Variants in RGS6 observed in about 807,000 individuals in gnomAD.
The protein encoded by RGS6 is regulator of G protein signaling 6.
In RGS6, 30 loss-of-function variants were observed where a neutral mutation model predicts 78.5. The observed-to-expected ratio is 0.38, with a 90% CI of 0.29 to 0.52. The LOEUF is 0.52. Ranked by LOEUF, RGS6 falls within the 20% of genes least tolerant of loss-of-function variation. The pLI is 0.85. For missense variants in RGS6, 495 were observed against 609.7 expected, an observed-to-expected ratio of 0.81 and a Z score of 1.98; for synonymous variants, 206 against 206.0, an observed-to-expected ratio of 1.00 and a Z score of 0.00.
chr14:72,378,507 G>T (rs1271043768), intron 3 of RGS6, among the ~76,000 whole-genome samples: 1 of 151,780 alleles, frequency 6.6e-6, no homozygotes, highest in Non-Finnish European at 1.5e-5. Flanking sequence ...AAATGAAAAA[G>T]GAAACATCAC....
At chr14:72,470,683 C>G (rs1053155911) in intron 8 of RGS6, among the ~76,000 whole-genome samples, 4 of 152,024 alleles carry the variant, frequency 2.6e-5, no homozygotes, top group African/African-American at 7.3e-5. Context: ...AGTTCGAGAC[C>G]AACCTGACTA....
At chr14:72,072,184 A>G (rs1336249907) in intron 2 of RGS6, among the ~76,000 whole-genome samples, 1 of 152,198 alleles carries the variant, frequency 6.6e-6, no homozygotes, top group Non-Finnish European at 1.5e-5. Context: ...GGAGAGGTTA[A>G]GGGTCTTGAT....
At chr14:72,598,727 T>C in the RGS6 span, among the ~76,000 whole-genome samples, 1 of 151,302 alleles carries the variant, frequency 6.6e-6, no homozygotes, top group Non-Finnish European at 1.5e-5. Context: ...GCCAGATCTG[T>C]GGTCCAGGGT....
At chr14:72,395,170 C>G (rs1051124232) in intron 3 of RGS6, among the ~76,000 whole-genome samples, 2 of 151,906 alleles carry the variant, frequency 1.3e-5, no homozygotes, top group African/African-American at 2.4e-5. Flanking sequence ...CTGTGAAGAC[C>G]ACGAGTACTC....
chr14:72,030,837 A>G (rs2090748899), intron 2 of RGS6, among the ~76,000 whole-genome samples: 1 of 152,222 alleles, frequency 6.6e-6, no homozygotes, highest in South Asian at 2.1e-4. Context: ...TTTCCTGACC[A>G]GTGACTTAGC....
chr14:72,537,045 G>A (rs886222260), intron 16 of RGS6, among the ~76,000 whole-genome samples: 6 of 152,124 alleles, frequency 3.9e-5, no homozygotes, highest in Non-Finnish European at 7.4e-5. Flanking sequence ...TAGGGTCCAG[G>A]AAGGGAATGG....
At chr14:71,935,015 G>A (rs2088804946) in intron 1 of RGS6, among the ~76,000 whole-genome samples, 1 of 152,070 alleles carries the variant, frequency 6.6e-6, no homozygotes, top group Non-Finnish European at 1.5e-5. Context: ...TGTCTTAATT[G>A]GTATTGCTCT....
At chr14:71,954,239 T>A (rs1214315067) in intron 1 of RGS6, among the ~76,000 whole-genome samples, 1 of 151,908 alleles carries the variant, frequency 6.6e-6, no homozygotes, top group East Asian at 1.9e-4. Context: ...AAGTTCTCCG[T>A]CATTATTCCT....
At chr14:72,528,284 CTA>C (rs1346282141) in intron 15 of RGS6, among the ~76,000 whole-genome samples, 1 of 152,200 alleles carries the variant, frequency 6.6e-6, no homozygotes, top group Non-Finnish European at 1.5e-5. Flanking sequence ...GCCTCGGACT[CTA>C]TTGATTCTAG....
At chr14:72,458,892 G>A (rs1264052153) in intron 5 of RGS6, among the ~76,000 whole-genome samples, 1 of 152,136 alleles carries the variant, frequency 6.6e-6, no homozygotes, top group Non-Finnish European at 1.5e-5. Context: ...TGGGGATTAG[G>A]ATTTCAACAT....
In RGS6 at chr14:72,386,019, C is replaced by T. The variant is rs1488341091; in HGVS notation, c.184+33825C>T. 3.3e-5 allele frequency among the ~76,000 whole-genome samples: 5 copies of T among 151,988 alleles called. No homozygotes were observed. In the East Asian group the frequency reaches 7.7e-4, roughly 24 times the overall value. ...CTGGATAAACCTTAAAAATTTCATGCCCCTGAATGAGCATTTCCCCTCATC... is the reference window on the plus strand; with the variant it reads ...CTGGATAAACCTTAAAAATTTCATGTCCCTGAATGAGCATTTCCCCTCATC... On this transcript the variant is annotated intron_variant, in intron 3 of 17. Coordinates refer to ENST00000553525, the MANE Select transcript of RGS6 (RefSeq NM_001204424.2).
chr14:72,601,132 G>A, the RGS6 span, among the ~76,000 whole-genome samples: 1 of 152,058 alleles, frequency 6.6e-6, no homozygotes, highest in Non-Finnish European at 1.5e-5. Context: ...AGACCAAAGG[G>A]GCTGCAGCCT....
intron 3 of RGS6, among the ~76,000 whole-genome samples, chr14:72,358,274 A>G (rs2080770216): frequency 6.6e-6 from 1 of 152,212 alleles, no homozygotes. Flanking sequence ...GTCCCCACAC[A>G]GAGTCCCCAC....
intron 2 of RGS6, among the ~76,000 whole-genome samples, chr14:72,289,334 TC>T (rs1484503559): frequency 6.0e-5 from 9 of 150,706 alleles, no homozygotes; most frequent in South Asian, 4.2e-4. Context: ...TTTCTTTCTC[TC>T]TCTCTCTCTC....
chr14:72,219,507 A>G (rs991385510), intron 2 of RGS6, among the ~76,000 whole-genome samples: 2 of 152,160 alleles, frequency 1.3e-5, no homozygotes, highest in African/African-American at 4.8e-5. Context: ...TTTATTACAC[A>G]TTTAAATGCA....
the RGS6 span, among the ~76,000 whole-genome samples, chr14:72,623,177 T>C: frequency 3.9e-5 from 6 of 152,230 alleles, no homozygotes; most frequent in African/African-American, 1.2e-4. Flanking sequence ...GTTGCCTATA[T>C]GCAGAGTGAA....
At chr14:72,495,450 C>T (rs2096632670) in intron 13 of RGS6, among the ~76,000 whole-genome samples, 188 bp downstream of exon 13, 1 of 152,130 alleles carries the variant, frequency 6.6e-6, no homozygotes, top group Non-Finnish European at 1.5e-5. Context: ...GTGCATGGAT[C>T]CTTTGTGGCT....
chr14:72,095,899 A>G (rs1214890448), intron 2 of RGS6, among the ~76,000 whole-genome samples: 1 of 152,234 alleles, frequency 6.6e-6, no homozygotes, highest in Non-Finnish European at 1.5e-5. Context: ...AAAAAGTATC[A>G]GTGGGGACGA....
intron 3 of RGS6, among the ~76,000 whole-genome samples, chr14:72,355,909 G>A (rs1437434931): frequency 3.3e-5 from 5 of 152,188 alleles, no homozygotes; most frequent in African/African-American, 1.2e-4. Flanking sequence ...AGGAGCCAGG[G>A]CAGCTATAAT....
Sources: allele counts gnomAD v4.1 joint callset (sites outside exome capture counted in the v4.1 genomes callset), GRCh38; gene constraint gnomAD v4.1.1; transcripts MANE v1.5; gene names NCBI Gene and HGNC (gene_info 2026-07-23, HGNC 2026-07-21).